The following VPS9D1 variants were observed in gnomAD, a reference collection of about 807,000 sequenced individuals.
The protein encoded by VPS9D1 is VPS9 domain containing 1.
Under a neutral mutation model 75.8 loss-of-function variants are expected in VPS9D1, and 78 were observed. The observed-to-expected ratio is 1.03, with a 90% confidence interval of 0.86 to 1.24. The LOEUF (loss-of-function observed/expected upper bound fraction) is 1.24. VPS9D1 is among the 50% of genes most tolerant of loss of function. VPS9D1 has a pLI of 0.00. For missense variants in VPS9D1, 1,057 were observed against 847.7 expected (o/e 1.25, Z -3.07); for synonymous variants, 481 against 385.6 (o/e 1.25, Z -2.90).
chr16:89,713,945 AT>A (rs939101666), intron 4 of VPS9D1, among the ~76,000 whole-genome samples: 162 of 148,946 alleles, frequency 1.1e-3, no homozygotes, highest in African/African-American at 3.3e-3. Flanking sequence ...TTTTTGCAAA[AT>A]TTTTTTTTTT....
intron 2 of VPS9D1, among the ~76,000 whole-genome samples, chr16:89,718,385 T>A (rs1405160504): frequency 6.6e-6 from 1 of 152,080 alleles, no homozygotes; most frequent in African/African-American, 2.4e-5. Context: ...CGGCCCCAGT[T>A]CCACCCAAGG....
intron 4 of VPS9D1, 55 bp downstream of exon 4, chr16:89,716,407 C>A (rs2061069561): frequency 6.2e-7 from 1 of 1,603,676 alleles, no homozygotes; most frequent in Admixed American, 1.8e-5. Context: ...TCATCTTTCT[C>A]AGCCTCAAAA....
intron 1 of VPS9D1, among the ~76,000 whole-genome samples, chr16:89,719,789 A>G (rs2061196878): frequency 1.3e-5 from 2 of 152,058 alleles, no homozygotes; most frequent in Non-Finnish European, 2.9e-5. Context: ...CAGGATCTCG[A>G]GTCACTGCAA....
chr16:89,709,025 G>GGCCCCCCCCCCCCCCCCCCC, intron 12 of VPS9D1, 69 bp from the exon 13 acceptor site: 1 of 627,190 alleles, frequency 1.6e-6, no homozygotes, highest in Non-Finnish European at 2.0e-6. Context: ...CTTATACCCC[G>GGCCCCCCCCCCCCCCCCCCC]CCCACCCACC....
At chr16:89,711,578 C>T in intron 8 of VPS9D1, 166 bp from the exon 9 acceptor site, 1 of 700,030 alleles carries the variant, frequency 1.4e-6, no homozygotes, top group Non-Finnish European at 2.4e-6. Context: ...CACCCACACC[C>T]GAGGGAAACC....
At chr16:89,718,688 G>C (rs896274717) in intron 2 of VPS9D1, among the ~76,000 whole-genome samples, 1 of 152,216 alleles carries the variant, frequency 6.6e-6, no homozygotes, top group Non-Finnish European at 1.5e-5. Context: ...GGAAGCAGCA[G>C]GGCTCAGCCA....
chr16:89,718,888 G>A (rs2061160777), intron 2 of VPS9D1, 139 bp downstream of exon 2: 1 of 692,784 alleles, frequency 1.4e-6, no homozygotes, highest in Admixed American at 2.5e-5. Flanking sequence ...TGATTTTTTA[G>A]ATTTTTAGTA....
intron 2 of VPS9D1, 21 bp downstream of exon 2, chr16:89,719,006 G>T: frequency 6.2e-7 from 1 of 1,608,410 alleles, no homozygotes. Flanking sequence ...GAGCCACCGC[G>T]CCCGGCTGGC....
chr16:89,708,056 G>T, intron 14 of VPS9D1, 102 bp from the exon 15 acceptor site: 1 of 1,178,494 alleles, frequency 8.5e-7, no homozygotes, highest in Non-Finnish European at 1.2e-6. Context: ...GGACCTGGGT[G>T]CTGAGGGTGG....
intron 9 of VPS9D1, 112 bp downstream of exon 9, chr16:89,711,215 G>T: frequency 7.7e-7 from 1 of 1,291,044 alleles, no homozygotes; most frequent in Non-Finnish European, 1.1e-6. Context: ...GTGTCCACGT[G>T]GCCGGGCACA....
rs530744785 is a variant in VPS9D1, at chr16:89,712,525, G to T, written c.544-3C>A. ...ATCTGCCGCTGTAGAGAGAGGGTCT[G>T]GGGGGGGAGGAGGGAGTAAGGCCGA... On this transcript the variant is annotated splice_polypyrimidine_tract_variant and splice_region_variant and intron_variant, in intron 5 of 14. Coordinates refer to ENST00000389386, the MANE Select transcript of VPS9D1 (RefSeq NM_004913.3). 26 of 1,599,016 alleles carry T rather than the reference G, an allele frequency of 1.6e-5. No homozygotes were observed. Among genetic ancestry groups the T allele is most frequent in the Admixed American group, 1.5e-4 (9 of 59,124 alleles).
At chr16:89,718,481 T>C (rs1170719208) in intron 2 of VPS9D1, among the ~76,000 whole-genome samples, 1 of 152,132 alleles carries the variant, frequency 6.6e-6, no homozygotes, top group African/African-American at 2.4e-5. Context: ...TCTGTGCCGC[T>C]CACTGGAGCC....
chr16:89,719,758 G>T (rs1347924139), intron 1 of VPS9D1, among the ~76,000 whole-genome samples: 1 of 152,114 alleles, frequency 6.6e-6, no homozygotes, highest in Non-Finnish European at 1.5e-5. Flanking sequence ...TCACTCTGTC[G>T]CCCAGGCTGG....
chr16:89,717,435 C>G (rs749779457), intron 2 of VPS9D1: 10 of 400,678 alleles, frequency 2.5e-5, no homozygotes, highest in South Asian at 1.6e-4. Flanking sequence ...AAAGTCCTGC[C>G]TTCCCGTAGC....
intron 4 of VPS9D1, among the ~76,000 whole-genome samples, chr16:89,713,605 C>A (rs376493086): frequency 1.2e-3 from 178 of 152,206 alleles, no homozygotes; most frequent in African/African-American, 3.9e-3. Flanking sequence ...TATGGAGATC[C>A]GTTATATGTG....
intron 2 of VPS9D1, 150 bp downstream of exon 2, chr16:89,718,877 C>A: frequency 1.6e-6 from 1 of 640,484 alleles, no homozygotes; most frequent in South Asian, 1.8e-5. Context: ...CCAGGCCCAG[C>A]TGATTTTTTA....
chr16:89,712,246 A>T, intron 6 of VPS9D1, 147 bp from the exon 7 acceptor site: 1 of 1,366,722 alleles, frequency 7.3e-7, no homozygotes. Context: ...GGCAGAAGGC[A>T]GCCTGCGCTC....
chr16:89,711,637 A>AGGGACCCTCCCTCCTCGCT (rs1375708267), intron 8 of VPS9D1: 41 of 496,760 alleles, frequency 8.3e-5, no homozygotes, highest in Non-Finnish European at 9.5e-5. Flanking sequence ...CCCTCCTCGC[A>AGGGACCCTCCCTCCTCGCT]GGGACCCTCC....
In VPS9D1 at chr16:89,712,523, C is replaced by CT; in HGVS notation, c.544-2dup. ...TCATCTGCCGCTGTAGAGAGAGGGT[C>CT]TGGGGGGGGAGGAGGGAGTAAGGCC... On this transcript the variant is annotated splice_acceptor_variant, in intron 5 of 14. Coordinates refer to ENST00000389386, the MANE Select transcript of VPS9D1 (RefSeq NM_004913.3). LOFTEE classifies it high-confidence loss of function. The CT allele has an allele frequency of 3.1e-6, 5 of 1,611,848 alleles. No homozygotes were observed. Among genetic ancestry groups the CT allele is most frequent in the Middle Eastern group, 1.7e-4 (1 of 6,010 alleles).
Sources: allele counts gnomAD v4.1 joint callset (sites outside exome capture counted in the v4.1 genomes callset), GRCh38; gene constraint gnomAD v4.1.1; transcripts MANE v1.5; gene names NCBI Gene and HGNC (gene_info 2026-07-23, HGNC 2026-07-21).